Variants in CCDC85A observed in about 807,000 individuals in gnomAD.
CCDC85A encodes the protein coiled-coil domain-containing protein 85A.
Under a neutral mutation model 50.2 loss-of-function variants are expected in CCDC85A, and 38 were observed. The observed-to-expected ratio is 0.76, with a 90% CI of 0.58 to 0.99. CCDC85A has a LOEUF of 0.99. Ranked by LOEUF, CCDC85A falls within the 50% of genes least tolerant of loss-of-function variation. The pLI is 0.00. For synonymous variants in CCDC85A, 366 were observed against 301.4 expected (o/e 1.21, Z -2.22); for missense variants, 820 against 742.0 (o/e 1.11, Z -1.22).
At chr2:56,233,451 C>A in intron 2 of CCDC85A, among the ~76,000 whole-genome samples, 1 of 152,138 alleles carries the variant, frequency 6.6e-6, no homozygotes, top group East Asian at 1.9e-4. Flanking sequence ...ATTAGGCTGG[C>A]TTTGCAGGGC....
At chr2:56,368,695 A>T (rs914207856) in intron 3 of CCDC85A, among the ~76,000 whole-genome samples, 1 of 152,114 alleles carries the variant, frequency 6.6e-6, no homozygotes, top group East Asian at 1.9e-4. Flanking sequence ...CAAATTTGTT[A>T]TAAGTGCATT....
chr2:56,351,906 T>C (rs1041678220), intron 3 of CCDC85A, among the ~76,000 whole-genome samples: 1 of 145,414 alleles, frequency 6.9e-6, no homozygotes, highest in African/African-American at 2.6e-5. Flanking sequence ...CTTTTGGTGT[T>C]TTAGACATGA....
intron 2 of CCDC85A, among the ~76,000 whole-genome samples, chr2:56,201,775 A>G (rs1341622349): frequency 6.6e-6 from 1 of 152,218 alleles, no homozygotes; most frequent in Admixed American, 6.5e-5. Flanking sequence ...TTAATGCTAA[A>G]GAATAGGAAG....
At chr2:56,351,366 C>T (rs1278978864) in intron 3 of CCDC85A, among the ~76,000 whole-genome samples, 2 of 148,752 alleles carry the variant, frequency 1.3e-5, no homozygotes, top group Non-Finnish European at 3.0e-5. Context: ...GGTATATACC[C>T]AGTAATGGGA....
chr2:56,326,297 T>C (rs1673467676), intron 2 of CCDC85A, among the ~76,000 whole-genome samples: 1 of 152,166 alleles, frequency 6.6e-6, no homozygotes, highest in Admixed American at 6.6e-5. Flanking sequence ...GCAGTGAAGA[T>C]TAAATACATG....
At chr2:56,353,463 T>A (rs1188040287) in intron 3 of CCDC85A, among the ~76,000 whole-genome samples, 1 of 152,264 alleles carries the variant, frequency 6.6e-6, no homozygotes, top group Non-Finnish European at 1.5e-5. Context: ...TAAGTGTGGT[T>A]CCTTTCAGCT....
At chr2:56,214,486 T>C (rs1447972935) in intron 2 of CCDC85A, among the ~76,000 whole-genome samples, 2 of 151,662 alleles carry the variant, frequency 1.3e-5, no homozygotes, top group Non-Finnish European at 3.0e-5. Flanking sequence ...ATCTAGTGAG[T>C]GATTTTGCAG....
chr2:56,376,854 AG>A (rs1373973238), intron 5 of CCDC85A, among the ~76,000 whole-genome samples: 1 of 152,194 alleles, frequency 6.6e-6, no homozygotes, highest in Non-Finnish European at 1.5e-5. Context: ...TTACCATGTG[AG>A]TTTCACAACT....
rs1173211088 is a variant in CCDC85A at position 56,385,079 on chromosome 2, C to T, written c.*724C>T. 1.3e-5 allele frequency: 2 copies of T among 151,798 alleles called. No individual in the cohort carries two copies. The highest frequency in any genetic ancestry group is 2.4e-5 in the African/African-American group (1 of 41,248). The allele number at this position is 151,798 out of a possible 1,614,324, so 9.4% of individuals were successfully genotyped here. ...TTTTTTTTCATCTTAATGAGTTTCTCATAAAGACACATCTTGGGGCATACC... is the reference window on the plus strand; with the variant it reads ...TTTTTTTTCATCTTAATGAGTTTCTTATAAAGACACATCTTGGGGCATACC... On this transcript the variant is annotated 3_prime_UTR_variant, in exon 6 of 6. Coordinates refer to ENST00000407595, the MANE Select transcript of CCDC85A (RefSeq NM_001080433.2).
At chr2:56,228,881 T>A (rs1411313975) in intron 2 of CCDC85A, among the ~76,000 whole-genome samples, 1 of 152,202 alleles carries the variant, frequency 6.6e-6, no homozygotes, top group Non-Finnish European at 1.5e-5. Flanking sequence ...AATTTCAAAG[T>A]CAAGTTGAGA....
chr2:56,206,941 C>T (rs1301149505), intron 2 of CCDC85A, among the ~76,000 whole-genome samples: 3 of 148,356 alleles, frequency 2.0e-5, no homozygotes, highest in African/African-American at 7.5e-5. Context: ...CTAATATCTT[C>T]TGAGTCAATG....
intron 2 of CCDC85A, among the ~76,000 whole-genome samples, chr2:56,213,612 G>A (rs910560863): frequency 1.3e-5 from 2 of 151,868 alleles, no homozygotes; most frequent in East Asian, 1.9e-4. Context: ...TTGAATCCCC[G>A]GGCTCTAGGA....
intron 2 of CCDC85A, among the ~76,000 whole-genome samples, chr2:56,228,755 A>G (rs569357917): frequency 1.3e-5 from 2 of 152,094 alleles, no homozygotes; most frequent in Admixed American, 6.5e-5. Context: ...GGATGCTCTC[A>G]ATCTCCTGAC....
intron 2 of CCDC85A, among the ~76,000 whole-genome samples, chr2:56,336,599 C>G (rs1042246458): frequency 6.6e-6 from 1 of 152,168 alleles, no homozygotes; most frequent in African/African-American, 2.4e-5. Context: ...TAGACAGTTG[C>G]AAATACCAAT....
At chr2:56,317,177 C>A (rs1466842439) in intron 2 of CCDC85A, among the ~76,000 whole-genome samples, 4 of 152,092 alleles carry the variant, frequency 2.6e-5, no homozygotes, top group African/African-American at 9.7e-5. Context: ...GACTTGAAGG[C>A]ACCAATTATT....
At chr2:56,283,255 T>C (rs1467229397) in intron 2 of CCDC85A, among the ~76,000 whole-genome samples, 1 of 152,222 alleles carries the variant, frequency 6.6e-6, no homozygotes, top group East Asian at 1.9e-4. Flanking sequence ...GTGTTACTTG[T>C]CACTTTTTGT....
At chr2:56,187,791 T>C (rs906176153) in intron 1 of CCDC85A, among the ~76,000 whole-genome samples, 1 of 152,176 alleles carries the variant, frequency 6.6e-6, no homozygotes, top group Admixed American at 6.5e-5. Context: ...TAGGGTTATG[T>C]TGTAAGGAAC....
At chr2:56,328,630 G>T (rs1645864012) in intron 2 of CCDC85A, among the ~76,000 whole-genome samples, 1 of 152,100 alleles carries the variant, frequency 6.6e-6, no homozygotes, top group South Asian at 2.1e-4. Flanking sequence ...TAGAACTTTT[G>T]GTTTCAAACC....
intron 5 of CCDC85A, chr2:56,379,768 A>T (rs1182793297): frequency 1.2e-5 from 12 of 984,064 alleles, no homozygotes; most frequent in Non-Finnish European, 1.4e-5. Flanking sequence ...TGTTCAGGAA[A>T]CTATAGATCG....
Sources: allele counts gnomAD v4.1 joint callset (sites outside exome capture counted in the v4.1 genomes callset), GRCh38; gene constraint gnomAD v4.1.1; transcripts MANE v1.5; gene names NCBI Gene and HGNC (gene_info 2026-07-23, HGNC 2026-07-21).